TTC3: variants seen among roughly 807,000 people sequenced by gnomAD.
TTC3 encodes the protein tetratricopeptide repeat domain 3.
In TTC3, 180 loss-of-function variants were observed where a neutral mutation model predicts 249.6. The observed-to-expected ratio is 0.72, with a 90% CI of 0.64 to 0.82. The LOEUF is 0.82. TTC3 is among the 40% of genes least tolerant of loss of function. TTC3 has a pLI of 0.00. For synonymous variants in TTC3, 717 were observed against 805.0 expected (o/e 0.89, Z 1.85); for missense variants, 2,061 against 2,398.4 (o/e 0.86, Z 2.94).
intron 10 of TTC3, among the ~76,000 whole-genome samples, chr21:37,099,956 G>A (rs1180090742): frequency 6.6e-6 from 1 of 152,290 alleles, no homozygotes; most frequent in Non-Finnish European, 1.5e-5. Flanking sequence ...TAAAATGAAC[G>A]CAATGTTGAG....
chr21:37,143,026 G>A (rs183634274), intron 20 of TTC3, among the ~76,000 whole-genome samples: 319 of 152,280 alleles, frequency 2.1e-3, no homozygotes, highest in African/African-American at 7.1e-3. Context: ...ATGGTGCTGG[G>A]AAAACTGGCT....
exon 33 of TTC3, chr21:37,165,848 A>G (rs2081205775): frequency 3.7e-6 from 6 of 1,614,220 alleles, no homozygotes; most frequent in Non-Finnish European, 5.1e-6. Context: ...TCCAGCTGCT[A>G]GGGAATTTAA....
At chr21:37,122,397 C>T (rs1021292893) in intron 12 of TTC3, among the ~76,000 whole-genome samples, 5 of 141,768 alleles carry the variant, frequency 3.5e-5, no homozygotes, top group African/African-American at 1.1e-4. Flanking sequence ...AATTCTGCAG[C>T]GTGCTGAATA....
intron 35 of TTC3, among the ~76,000 whole-genome samples, chr21:37,177,909 A>C (rs2148132831): frequency 6.6e-6 from 1 of 152,316 alleles, no homozygotes; most frequent in Non-Finnish European, 1.5e-5. Context: ...TGTGTAGCAC[A>C]ATCTAAGTTT....
At chr21:37,168,497 C>CA (rs1359935856) in intron 34 of TTC3, among the ~76,000 whole-genome samples, 1 of 151,370 alleles carries the variant, frequency 6.6e-6, no homozygotes, top group East Asian at 1.9e-4. Flanking sequence ...TTTTCAATAC[C>CA]AAAAAAGAGA....
chr21:37,090,136 A>ATAG lies in TTC3; in HGVS notation c.427-92_427-90dup, dbSNP rs1487780291. Reference sequence around the variant, plus strand: ...GTCGGAAGTGTACTACTGAGTACATATAGTAGTGTTCCTAAAATGTAGGCC... The same window carrying ATAG: ...GTCGGAAGTGTACTACTGAGTACATATAGTAGTAGTGTTCCTAAAATGTAGGCC... On this transcript the variant is annotated intron_variant, in intron 5 of 45. Coordinates refer to ENST00000355666, the Ensembl canonical transcript of TTC3. 5 of 809,128 alleles carry ATAG rather than the reference A, an allele frequency of 6.2e-6. No individual in the cohort carries two copies. The African/African-American group carries it at 8.5e-5, about 14-fold the overall frequency. 50.1% of individuals were successfully genotyped at this position (809,128 alleles called of 1,614,324 possible). A position where few individuals can be genotyped will look rare whatever the true frequency, so the allele number is the denominator to read the frequency against.
intron 5 of TTC3, among the ~76,000 whole-genome samples, chr21:37,089,826 A>C (rs546242017): frequency 5.1e-4 from 78 of 152,246 alleles, no homozygotes; most frequent in African/African-American, 1.8e-3. Context: ...TCTACTAAAA[A>C]TACAAAAATT....
At chr21:37,073,522 T>A in intron 1 of TTC3, 49 bp downstream of exon 1, 7 of 934,362 alleles carry the variant, frequency 7.5e-6, no homozygotes, top group Non-Finnish European at 8.6e-6. Flanking sequence ...CTGAGGTGCC[T>A]ACTGTGTCTG....
chr21:37,155,242 C>A (rs1787361), intron 27 of TTC3, among the ~76,000 whole-genome samples: 152,170 of 152,170 alleles, frequency 1, 76,085 homozygotes, highest in Non-Finnish European at 1. Flanking sequence ...CACATATTTA[C>A]CATAAGAGAG....
intron 10 of TTC3, among the ~76,000 whole-genome samples, chr21:37,102,617 C>T (rs2074620602): frequency 6.6e-6 from 1 of 152,240 alleles, no homozygotes; most frequent in East Asian, 1.9e-4. Context: ...ACTTTTGCAC[C>T]AACCTAATAA....
In TTC3 at chr21:37,190,130, C is replaced by CTTTTTTTTTTTT. The variant is rs138862573; in HGVS notation, c.5025-1186_5025-1175dup. ...TTTTAGTGTATAGTTCTTTTTCTTT[C>CTTTTTTTTTTTT]TTTTTTTTTTTTTTTTTTTTTTTTT... On this transcript the variant is annotated intron_variant, in intron 39 of 45. Transcript: ENST00000355666. Among the ~76,000 whole-genome samples, 127 of 65,040 alleles carry CTTTTTTTTTTTT rather than the reference C, an allele frequency of 2.0e-3. 8 individuals are homozygous for CTTTTTTTTTTTT. Among genetic ancestry groups the CTTTTTTTTTTTT allele is most frequent in the East Asian group, 5.3e-3 (9 of 1,712 alleles). 42.7% of individuals were successfully genotyped at this position (65,040 alleles called of 152,430 possible). A position where few individuals can be genotyped will look rare whatever the true frequency, so the allele number is the denominator to read the frequency against.
rs570613919 is a variant in TTC3, at chr21:37,089,442, T to G, written c.426+556T>G. 3.3e-5 allele frequency among the ~76,000 whole-genome samples: 5 copies of G among 152,354 alleles called. No homozygotes were observed. In the South Asian group the frequency reaches 8.3e-4, roughly 25 times the overall value. ...AGAAAGGGCATTCTGATGTTTATTT[T>G]CTGCAGTAGTTATTTGCAGTAACAT... On this transcript the variant is annotated intron_variant, in intron 5 of 45. Transcript: ENST00000355666.
chr21:37,117,082 G>A (rs2076203628), intron 11 of TTC3, among the ~76,000 whole-genome samples: 1 of 152,032 alleles, frequency 6.6e-6, no homozygotes. Flanking sequence ...CATGATTAAA[G>A]AGAAAAATAG....
chr21:37,142,260 G>T (rs1395684108), intron 20 of TTC3, among the ~76,000 whole-genome samples: 1 of 152,190 alleles, frequency 6.6e-6, no homozygotes, highest in African/African-American at 2.4e-5. Flanking sequence ...GGGCAATCAG[G>T]CAGGGGAAAG....
chr21:37,088,931 A>G, intron 5 of TTC3, 45 bp downstream of exon 5: 2 of 1,546,780 alleles, frequency 1.3e-6, no homozygotes, highest in East Asian at 2.3e-5. Context: ...GGTTTAAATA[A>G]TATAAGCATT....
chr21:37,197,361 C>T (rs2085030416), intron 42 of TTC3, among the ~76,000 whole-genome samples: 1 of 150,912 alleles, frequency 6.6e-6, no homozygotes, highest in South Asian at 2.1e-4. Context: ...GCCCTCCAGC[C>T]TGGGCAACAG....
chr21:37,169,501 G>T (rs555955763), intron 34 of TTC3, among the ~76,000 whole-genome samples: 1 of 151,744 alleles, frequency 6.6e-6, no homozygotes, highest in Non-Finnish European at 1.5e-5. Context: ...CCAAGATCAC[G>T]CCAGTGTACT....
exon 20 of TTC3, chr21:37,140,670 A>G: frequency 6.3e-7 from 1 of 1,599,938 alleles, no homozygotes; most frequent in Non-Finnish European, 8.5e-7. Flanking sequence ...TTGAAAAAAA[A>G]CAGGTTAGTA....
chr21:37,142,560 G>A (rs1283191847), intron 20 of TTC3, among the ~76,000 whole-genome samples: 2 of 152,066 alleles, frequency 1.3e-5, no homozygotes, highest in African/African-American at 4.8e-5. Flanking sequence ...GACCTCTTCA[G>A]GGAGAACTAC....
Sources: allele counts gnomAD v4.1 joint callset (sites outside exome capture counted in the v4.1 genomes callset), GRCh38; gene constraint gnomAD v4.1.1; transcripts MANE v1.5; gene names NCBI Gene and HGNC (gene_info 2026-07-23, HGNC 2026-07-21).